Variants in MTMR3 observed in about 807,000 individuals in gnomAD.
The protein encoded by MTMR3 is phosphatidylinositol-3,5-bisphosphate 3-phosphatase MTMR3.
In MTMR3, 32 loss-of-function variants were observed where a neutral mutation model predicts 132.4. That is an observed-to-expected ratio of 0.24 (90% confidence interval 0.18 to 0.32). The LOEUF (loss-of-function observed/expected upper bound fraction) is 0.32. Among genes scored for constraint, MTMR3 ranks in the 10% least tolerant of loss-of-function variants. The probability of loss-of-function intolerance (pLI) is 1.00; values close to 1 mark genes in which losing one functional copy is unlikely to be tolerated. For missense variants in MTMR3, 1,216 were observed against 1,489.6 expected (o/e 0.82, Z 3.02); for synonymous variants, 556 against 550.3 (o/e 1.01, Z -0.14).
intron 14 of MTMR3, chr22:30,016,003 G>A (rs144696780): frequency 4.5e-5 from 7 of 155,054 alleles, no homozygotes; most frequent in Non-Finnish European, 7.2e-5. Flanking sequence ...TGCCTCATAT[G>A]TGTCCTGTCC....
chr22:29,892,188 T>C (rs2064813540), intron 1 of MTMR3, among the ~76,000 whole-genome samples: 1 of 152,108 alleles, frequency 6.6e-6, no homozygotes, highest in Non-Finnish European at 1.5e-5. Context: ...TTGAGAGTCG[T>C]ATCTGCAATA....
chr22:29,934,359 G>GA (rs994037358), intron 1 of MTMR3, among the ~76,000 whole-genome samples: 16 of 148,314 alleles, frequency 1.1e-4, no homozygotes, highest in Admixed American at 4.0e-4. Context: ...GTCTCAAAGA[G>GA]AAAAAAAAAA....
intron 7 of MTMR3, chr22:29,998,437 G>A (rs1309151915): frequency 6.3e-6 from 1 of 158,530 alleles, no homozygotes; most frequent in Non-Finnish European, 1.4e-5. Context: ...GAGGCCAGGA[G>A]TTCGAGACCA....
chr22:29,935,012 A>C lies in MTMR3; in HGVS notation c.-137-22024A>C, dbSNP rs532457452. On this transcript the variant is annotated intron_variant, in intron 1 of 19. Transcript: ENST00000401950. ...GTATTTAAGCAGAGCTTTGTGTGTA[A>C]TATATTTTAACTATAGGTGTCTTGT... Among the ~76,000 whole-genome samples the C allele has an allele frequency of 3.9e-5, 6 of 152,310 alleles. No homozygotes were observed. In the South Asian group the frequency reaches 1.2e-3, roughly 32 times the overall value.
At chr22:29,984,567 C>G (rs560462847) in intron 5 of MTMR3, 1 of 152,250 alleles carries the variant, frequency 6.6e-6, no homozygotes, top group South Asian at 2.1e-4. Flanking sequence ...GTGTTTGATG[C>G]ATTGTTTGAG....
chr22:29,962,219 A>AT (rs1326285043), intron 2 of MTMR3, among the ~76,000 whole-genome samples: 2 of 152,214 alleles, frequency 1.3e-5, no homozygotes, highest in African/African-American at 4.8e-5. Flanking sequence ...CTGCTTACCA[A>AT]TTTTTTTTAA....
intron 1 of MTMR3, among the ~76,000 whole-genome samples, chr22:29,922,867 CT>C (rs1399055983): frequency 3.7e-4 from 56 of 151,312 alleles, no homozygotes; most frequent in Non-Finnish European, 4.4e-5. Flanking sequence ...GTAGTTTTGA[CT>C]CACATTTCCC....
At chr22:30,015,301 C>T (rs1222075703) in intron 14 of MTMR3, 1 of 151,718 alleles carries the variant, frequency 6.6e-6, no homozygotes, top group Non-Finnish European at 1.5e-5. Flanking sequence ...AAACAATATC[C>T]TCCCACCCCG....
At chr22:29,906,483 C>T (rs2065106327) in intron 1 of MTMR3, among the ~76,000 whole-genome samples, 1 of 114,948 alleles carries the variant, frequency 8.7e-6, no homozygotes, top group Admixed American at 1.0e-4. Context: ...CGTGTGCCAC[C>T]ATACCTGGCT....
chr22:30,024,465 T>C (rs953355759), intron 19 of MTMR3: 2 of 152,258 alleles, frequency 1.3e-5, no homozygotes, highest in Non-Finnish European at 2.9e-5. Context: ...TACAGCATTC[T>C]AGAAGATGAA....
chr22:30,021,750 T>A (rs1422864583), intron 17 of MTMR3: 1 of 379,326 alleles, frequency 2.6e-6, no homozygotes, highest in Non-Finnish European at 4.8e-6. Context: ...TCTCATTCCA[T>A]TTTGGTCACT....
chr22:29,930,148 A>G (rs910386519), intron 1 of MTMR3, among the ~76,000 whole-genome samples: 4 of 152,200 alleles, frequency 2.6e-5, no homozygotes, highest in Non-Finnish European at 5.9e-5. Context: ...ATTAAGGTAA[A>G]TTGTCTACAA....
chr22:30,021,966 G>A (rs961967504), intron 17 of MTMR3, 63 bp from the exon 18 acceptor site: 5 of 1,330,244 alleles, frequency 3.8e-6, no homozygotes, highest in Non-Finnish European at 5.4e-6. Flanking sequence ...TCTTCACCAG[G>A]CCTTTTCTTC....
chr22:29,949,122 CACACACACACACACACACACA>C (rs2066008399), intron 1 of MTMR3, among the ~76,000 whole-genome samples: 6 of 36,228 alleles, frequency 1.7e-4, no homozygotes, highest in African/African-American at 5.6e-4. Context: ...CACACACACA[CACACACACACACACACACACA>C]CCCCCCCCCC....
rs142670029 is a variant in MTMR3, at chr22:29,963,720, A to G, written c.-85+6632A>G. Among the ~76,000 whole-genome samples the G allele has an allele frequency of 3.4e-3, 510 of 152,074 alleles. 2 individuals carry two copies. Among genetic ancestry groups the G allele is most frequent in the African/African-American group, 0.012 (486 of 41,476 alleles). On this transcript the variant is annotated intron_variant, in intron 2 of 19. Transcript: ENST00000401950. ...CCTTTCTATGGCCAAATAATTTGCC[A>G]TTGTTTAGATATGCCACATTCTGTT... is the stretch of plus-strand genomic sequence containing the variant.
At chr22:30,009,261 C>A in intron 12 of MTMR3, 132 bp downstream of exon 12, 2 of 653,098 alleles carry the variant, frequency 3.1e-6, no homozygotes, top group Middle Eastern at 2.9e-4. Context: ...TCTTGGTAAT[C>A]TTCAGTTACC....
rs776114972 is a variant in MTMR3, at chr22:30,009,112, G to C, written c.1104G>C (p.Gln368His). The stretch of plus-strand genomic sequence containing the variant: ...AGTCTCTGCGGTTGCTGTGCACTCA[G>C]ATGCCAGATCCGGGAAAGTAAGTCC... ...SFQSLRLLCT[Q>H]MPDPGNWLSA... Residue 368 changes from glutamine to histidine, a missense_variant, in exon 12 of 20, where the codon CAG becomes CAC. Around this residue, in one of 7 missense-constraint regions of MTMR3, gnomAD observed 106 missense variants for 209.5 expected, o/e 0.51. Transcript: ENST00000401950. 5.0e-6 allele frequency: 8 copies of C among 1,610,038 alleles called. No individual in the cohort carries two copies. The highest frequency in any genetic ancestry group is 6.8e-6 in the Non-Finnish European group (8 of 1,176,438).
rs551517880 is a variant in MTMR3, at chr22:29,943,479, C to T, written c.-137-13557C>T. On this transcript the variant is annotated intron_variant, in intron 1 of 19. Coordinates refer to ENST00000401950, the MANE Select transcript of MTMR3 (RefSeq NM_021090.4). ...TGCTGGGATTACAGGCGTGAGCCAC[C>T]GCGCCTGGCCTTGATGTGTGTATTT... 8.3e-4 allele frequency among the ~76,000 whole-genome samples: 126 copies of T among 152,132 alleles called. 1 individual carries two copies. The highest frequency in any genetic ancestry group is 1.4e-3 in the Non-Finnish European group (94 of 67,994).
At chr22:29,985,588 A>G (rs1336750555) in intron 5 of MTMR3, 1 of 152,118 alleles carries the variant, frequency 6.6e-6, no homozygotes, top group African/African-American at 2.4e-5. Context: ...AAAGGGAGAT[A>G]TTTGTTATAA....
Sources: allele counts gnomAD v4.1 joint callset (sites outside exome capture counted in the v4.1 genomes callset), GRCh38; gene constraint gnomAD v4.1.1; regional missense constraint gnomAD v4.1.1; transcripts MANE v1.5; gene names NCBI Gene and HGNC (gene_info 2026-07-23, HGNC 2026-07-21).